Variants in KMO observed in about 807,000 individuals in gnomAD.
KMO encodes kynurenine 3-monooxygenase.
A neutral mutation model predicts 57.8 loss-of-function variants in KMO; 24 were observed. That is an observed-to-expected ratio of 0.42 (90% CI 0.30 to 0.58). The LOEUF (loss-of-function observed/expected upper bound fraction) is 0.58. Ranked by LOEUF, KMO falls within the 20% of genes least tolerant of loss-of-function variation. KMO has a pLI of 0.22. For missense variants in KMO, 483 were observed against 588.2 expected (o/e 0.82, Z 1.85); for synonymous variants, 210 against 193.6 (o/e 1.08, Z -0.70).
rs145834329 is a variant in KMO at position 241,594,487 on chromosome 1, C to T, written c.*2334C>T. ...GACCCATTGGTTTTGTCGCTGTCGTCAACTGACAGTGATTCATCACTGGTG... is the reference window on the plus strand; with the variant it reads ...GACCCATTGGTTTTGTCGCTGTCGTTAACTGACAGTGATTCATCACTGGTG... On this transcript the variant is annotated 3_prime_UTR_variant, in exon 15 of 15. Coordinates refer to ENST00000366559, the MANE Select transcript of KMO (RefSeq NM_003679.5). 286 of 1,614,058 alleles carry T rather than the reference C, an allele frequency of 1.8e-4. 1 individual carries two copies. Among genetic ancestry groups the T allele is most frequent in the Admixed American group, 1.0e-3 (61 of 60,006 alleles).
At chr1:241,534,385 C>G (rs1221753862) in intron 1 of KMO, among the ~76,000 whole-genome samples, 2 of 152,168 alleles carry the variant, frequency 1.3e-5, no homozygotes, top group African/African-American at 4.8e-5. Flanking sequence ...CCATGGATTT[C>G]TCCCTGAATA....
chr1:241,562,937 A>C (rs1265380016), intron 7 of KMO, among the ~76,000 whole-genome samples: 40 of 78,698 alleles, frequency 5.1e-4, no homozygotes, highest in Non-Finnish European at 9.0e-4. Context: ...GAAGGAAGGA[A>C]GGAGACGGGA....
intron 10 of KMO, among the ~76,000 whole-genome samples, chr1:241,571,922 A>G (rs1362258720): frequency 1.5e-5 from 2 of 130,974 alleles, no homozygotes; most frequent in Non-Finnish European, 3.1e-5. Flanking sequence ...GCTGGAGTGC[A>G]GTGGTGCAAT....
At position 241,594,423 on chromosome 1, in the gene KMO, C is replaced by T; in HGVS notation, c.*2270C>T. The T allele has an allele frequency of 1.9e-6, 3 of 1,608,798 alleles. No individual in the cohort carries two copies. The highest frequency in any genetic ancestry group is 2.6e-6 in the Non-Finnish European group (3 of 1,176,122). On this transcript the variant is annotated 3_prime_UTR_variant, in exon 15 of 15. Transcript: ENST00000366559. ...GGCCCCATCTTTCGTTGCCATTCTT[C>T]ATTCCTACAAAGGACGAACTTGGAT...
intron 1 of KMO, among the ~76,000 whole-genome samples, chr1:241,539,389 A>AAAAAAAAAAAAAAAAAAAAAC (rs920402236): frequency 5.3e-5 from 8 of 150,376 alleles, no homozygotes; most frequent in East Asian, 2.0e-4. Flanking sequence ...GTCTCAAAAA[A>AAAAAAAAAAAAAAAAAAAAAC]ATTCCAGAAA....
At chr1:241,537,029 C>A (rs1295810658) in intron 1 of KMO, among the ~76,000 whole-genome samples, 2 of 152,120 alleles carry the variant, frequency 1.3e-5, no homozygotes, top group African/African-American at 4.8e-5. Context: ...GATTTTTCCA[C>A]CTCACCACTT....
At chr1:241,591,131 A>T (rs1323580521) in intron 14 of KMO, among the ~76,000 whole-genome samples, 1 of 152,180 alleles carries the variant, frequency 6.6e-6, no homozygotes, top group Non-Finnish European at 1.5e-5. Flanking sequence ...TGAATAAAAC[A>T]GGGCCCCCAC....
intron 1 of KMO, among the ~76,000 whole-genome samples, chr1:241,533,772 G>A (rs1660661127): frequency 6.6e-6 from 1 of 152,184 alleles, no homozygotes; most frequent in Non-Finnish European, 1.5e-5. Context: ...TGAAAGAAAC[G>A]AAAACAGGGT....
At position 241,578,945 on chromosome 1, in the gene KMO, C is replaced by T. The variant is rs539182012; in HGVS notation, c.958-7734C>T. Among the ~76,000 whole-genome samples the T allele has an allele frequency of 2.4e-4, 37 of 152,150 alleles. No homozygotes were observed. In the South Asian group the frequency reaches 6.8e-3, roughly 28 times the overall value. ...AGTGAAAGGGTTTTCCCTTATAAAA[C>T]CATCAGATCTCATGAGACTTATTCA... On this transcript the variant is annotated intron_variant, in intron 10 of 14. Coordinates refer to ENST00000366559, the MANE Select transcript of KMO (RefSeq NM_003679.5).
At position 241,549,252 on chromosome 1, in the gene KMO, A is replaced by ATAAAGAAAGAAAGTCG. The variant is rs1553346332; in HGVS notation, c.124+354_124+355insTAAAGAAAGAAAGTCG. On this transcript the variant is annotated intron_variant, in intron 2 of 14. Coordinates refer to ENST00000366559, the MANE Select transcript of KMO (RefSeq NM_003679.5). ...AAGAAAGAAAGAAAGAAAGAAAGAA[A>ATAAAGAAAGAAAGTCG]GAAAGAAAGAAAGAAAGGAAGGAAG... 1.2e-4 allele frequency among the ~76,000 whole-genome samples: 2 copies of ATAAAGAAAGAAAGTCG among 17,376 alleles called. 1 individual carries two copies. Among genetic ancestry groups the ATAAAGAAAGAAAGTCG allele is most frequent in the Admixed American group, 7.7e-4 (2 of 2,582 alleles). The allele number at this position is 17,376 out of a possible 152,430, so 11.4% of individuals were successfully genotyped here.
rs150244272 is a variant in KMO at position 241,590,230 on chromosome 1, T to C, written c.1227T>C (p.His409=). ...TMVTFSRIRY[H]EAVQRWHWQK... is the part of the protein sequence containing the mutation. ...TCACTTTTTCCAGAATAAGATACCA[T>C]GAGGCTGTGCAGCGTTGGCATTGGC... is the stretch of plus-strand genomic sequence containing the variant. The change falls in exon 14 of 15, where the codon CAT becomes CAC. Residue 409 remains histidine, a synonymous_variant. Coordinates refer to ENST00000366559, the MANE Select transcript of KMO (RefSeq NM_003679.5). The C allele has an allele frequency of 6.9e-5, 111 of 1,613,752 alleles. No homozygotes were observed. Among genetic ancestry groups the C allele is most frequent in the Admixed American group, 2.0e-4 (12 of 59,990 alleles).
intron 1 of KMO, among the ~76,000 whole-genome samples, chr1:241,546,577 C>T (rs1204755648): frequency 6.6e-6 from 1 of 152,066 alleles, no homozygotes; most frequent in African/African-American, 2.4e-5. Context: ...GATGGAAAAA[C>T]ATTGTAAGGT....
At chr1:241,565,100 A>G in intron 8 of KMO, 42 bp downstream of exon 8, 1 of 1,146,300 alleles carries the variant, frequency 8.7e-7, no homozygotes, top group Non-Finnish European at 1.3e-6. Flanking sequence ...TGCATTTGTA[A>G]TTAATGTTGT....
intron 5 of KMO, among the ~76,000 whole-genome samples, chr1:241,556,579 C>T (rs1422899988): frequency 6.6e-6 from 1 of 152,162 alleles, no homozygotes; most frequent in Non-Finnish European, 1.5e-5. Flanking sequence ...CAAAGTGACA[C>T]AATTAGATTT....
intron 12 of KMO, among the ~76,000 whole-genome samples, chr1:241,589,055 G>A (rs541364835): frequency 5.9e-5 from 9 of 152,260 alleles, no homozygotes; most frequent in East Asian, 1.9e-4. Flanking sequence ...CTTTAAGGAC[G>A]TTTAGGAGGT....
At chr1:241,542,100 C>A (rs185276405) in intron 1 of KMO, among the ~76,000 whole-genome samples, 135 of 152,084 alleles carry the variant, frequency 8.9e-4, no homozygotes, top group African/African-American at 3.1e-3. Context: ...CCCTTTCCTT[C>A]TTTCTTTTTA....
chr1:241,569,561 A>G (rs1391124788), intron 10 of KMO, among the ~76,000 whole-genome samples: 1 of 152,054 alleles, frequency 6.6e-6, no homozygotes, highest in African/African-American at 2.4e-5. Context: ...TCATCCATTG[A>G]TGGACACTTA....
intron 10 of KMO, among the ~76,000 whole-genome samples, chr1:241,570,222 T>G (rs981642245): frequency 6.6e-6 from 1 of 151,912 alleles, no homozygotes; most frequent in Non-Finnish European, 1.5e-5. Flanking sequence ...TGCAGAAACT[T>G]TTTTTTAGCT....
intron 1 of KMO, among the ~76,000 whole-genome samples, chr1:241,534,422 G>A (rs530957916): frequency 2.7e-4 from 41 of 152,310 alleles, no homozygotes; most frequent in Admixed American, 1.3e-3. Flanking sequence ...ATGTAACCAC[G>A]TCATACATAT....
Sources: allele counts gnomAD v4.1 joint callset (sites outside exome capture counted in the v4.1 genomes callset), GRCh38; gene constraint gnomAD v4.1.1; transcripts MANE v1.5; gene names NCBI Gene and HGNC (gene_info 2026-07-23, HGNC 2026-07-21).